RABGAP1L: variants seen among roughly 807,000 people sequenced by gnomAD.
The protein encoded by RABGAP1L is RAB GTPase activating protein 1 like.
Under a neutral mutation model 137.7 loss-of-function variants are expected in RABGAP1L, and 63 were observed. The observed-to-expected ratio is 0.46, with a 90% CI of 0.37 to 0.56. The LOEUF (loss-of-function observed/expected upper bound fraction) is 0.56, where lower values mean the gene tolerates loss of function less well. Among genes scored for constraint, RABGAP1L ranks in the 20% least tolerant of loss-of-function variants. The pLI, the probability that RABGAP1L is intolerant of heterozygous loss-of-function variation, is 0.00. For missense variants in RABGAP1L, 1,095 were observed against 1,244.0 expected, an observed-to-expected ratio of 0.88 and a Z score of 1.80; for synonymous variants, 431 against 433.7, an observed-to-expected ratio of 0.99 and a Z score of 0.08.
At chr1:174,450,122 G>T (rs1655262726) in intron 13 of RABGAP1L, among the ~76,000 whole-genome samples, 1 of 151,830 alleles carries the variant, frequency 6.6e-6, no homozygotes, top group Non-Finnish European at 1.5e-5. Flanking sequence ...TTTTGCTATA[G>T]TAAAGCTTTG....
intron 17 of RABGAP1L, among the ~76,000 whole-genome samples, chr1:174,736,417 C>T (rs996967646): frequency 6.6e-6 from 1 of 152,254 alleles, no homozygotes; most frequent in African/African-American, 2.4e-5. Context: ...GGCAGCTCTG[C>T]CCCTGTGGCT....
chr1:174,545,520 G>A (rs921459440), intron 13 of RABGAP1L: 1 of 146,394 alleles, frequency 6.8e-6, no homozygotes, highest in Non-Finnish European at 1.5e-5. Flanking sequence ...CCCTTGGCTA[G>A]GAAAGGGAAT....
intron 11 of RABGAP1L, among the ~76,000 whole-genome samples, chr1:174,321,911 A>G (rs1372504537): frequency 6.6e-6 from 1 of 152,154 alleles, no homozygotes; most frequent in Non-Finnish European, 1.5e-5. Context: ...TCAAGTGTCT[A>G]TTTGAATATG....
At chr1:174,398,833 G>C (rs1250904348) in intron 13 of RABGAP1L, among the ~76,000 whole-genome samples, 1 of 152,138 alleles carries the variant, frequency 6.6e-6, no homozygotes, top group Non-Finnish European at 1.5e-5. Flanking sequence ...CCTCTTAATA[G>C]TGACACTAGT....
At chr1:174,530,293 T>C (rs1664276653) in intron 13 of RABGAP1L, among the ~76,000 whole-genome samples, 2 of 152,094 alleles carry the variant, frequency 1.3e-5, no homozygotes, top group Non-Finnish European at 2.9e-5. Flanking sequence ...GCTGCCATGC[T>C]TCTCTTGAGC....
chr1:174,301,911 C>T (rs932346761), intron 10 of RABGAP1L, among the ~76,000 whole-genome samples: 3 of 152,136 alleles, frequency 2.0e-5, no homozygotes, highest in African/African-American at 7.2e-5. Flanking sequence ...GATTCTCAGT[C>T]CGGTTGGTGG....
intron 10 of RABGAP1L, among the ~76,000 whole-genome samples, chr1:174,297,480 C>G (rs1220062283): frequency 6.6e-6 from 1 of 152,184 alleles, no homozygotes; most frequent in Non-Finnish European, 1.5e-5. Flanking sequence ...GCGAACTTCT[C>G]GAGTTCCACT....
chr1:174,591,551 G>GT, intron 13 of RABGAP1L, among the ~76,000 whole-genome samples: 1 of 36,550 alleles, frequency 2.7e-5, no homozygotes, highest in Non-Finnish European at 4.0e-5. Context: ...AAGGGATCCA[G>GT]TTTCATCTTT....
chr1:174,774,812 T>G (rs1444526205), intron 18 of RABGAP1L, among the ~76,000 whole-genome samples: 1 of 152,100 alleles, frequency 6.6e-6, no homozygotes, highest in Non-Finnish European at 1.5e-5. Flanking sequence ...CCTGAGGGGT[T>G]GAGGCTGCAG....
rs1655108184 is a variant in RABGAP1L at position 174,448,886 on chromosome 1, C to A, written c.1710+54741C>A. The stretch of plus-strand genomic sequence containing the variant: ...TTCTTCCAGAGAGACTGGACACAGC[C>A]CTGACCGTCGCTACGCCATGGTTTT... On this transcript the variant is annotated intron_variant, in intron 13 of 25. Transcript: ENST00000681986. This position sits in a 1 kb window ranked among gnomAD's most constrained non-coding sequence, Gnocchi z 4.2. The A allele has an allele frequency of 6.2e-7, 1 of 1,613,398 alleles. No homozygotes were observed. The highest frequency in any genetic ancestry group is 1.7e-5 in the Admixed American group (1 of 60,004).
intron 14 of RABGAP1L, among the ~76,000 whole-genome samples, chr1:174,670,525 A>C: frequency 6.6e-6 from 1 of 151,938 alleles, no homozygotes; most frequent in Non-Finnish European, 1.5e-5. Context: ...AATCATCCCC[A>C]CCTTTTCTCT....
intron 11 of RABGAP1L, among the ~76,000 whole-genome samples, chr1:174,353,669 C>G: frequency 6.6e-6 from 1 of 152,142 alleles, no homozygotes. Flanking sequence ...GAATTTTGTC[C>G]TGTGTTACTT....
At chr1:174,479,536 A>G (rs1185116365) in intron 13 of RABGAP1L, among the ~76,000 whole-genome samples, 1 of 152,244 alleles carries the variant, frequency 6.6e-6, no homozygotes, top group Non-Finnish European at 1.5e-5. Flanking sequence ...ATAGAAATTC[A>G]TGGTCCCTTC....
At position 174,272,343 on chromosome 1, in the gene RABGAP1L, G is replaced by A. The variant is rs1484251165; in HGVS notation, c.987-71G>A. The A allele has an allele frequency of 9.3e-6, 14 of 1,500,322 alleles. No homozygotes were observed. The Admixed American group carries it at 2.9e-4, about 31-fold the overall frequency. 92.9% of individuals were successfully genotyped at this position (1,500,322 alleles called of 1,614,324 possible). A position where few individuals can be genotyped will look rare whatever the true frequency, so the allele number is the denominator to read the frequency against. On this transcript the variant is annotated intron_variant, in intron 7 of 25. Coordinates refer to ENST00000681986, the MANE Select transcript of RABGAP1L (RefSeq NM_001366446.1). Reference sequence around the variant, plus strand: ...CAGATTGTATAGTTATTGTAAAAAGGCTTTATGCTCACTGGGCTTCTATAT... The same window carrying A: ...CAGATTGTATAGTTATTGTAAAAAGACTTTATGCTCACTGGGCTTCTATAT...
intron 18 of RABGAP1L, among the ~76,000 whole-genome samples, chr1:174,759,657 A>G (rs1685065708): frequency 6.6e-6 from 1 of 152,164 alleles, no homozygotes; most frequent in Non-Finnish European, 1.5e-5. Flanking sequence ...GTTATATACG[A>G]AACATAGTAC....
chr1:174,287,596 G>C (rs1235060022), intron 10 of RABGAP1L, among the ~76,000 whole-genome samples: 3 of 152,138 alleles, frequency 2.0e-5, no homozygotes, highest in Non-Finnish European at 4.4e-5. Context: ...GGGTTCAAGT[G>C]ATTCTCCAAC....
At chr1:174,691,512 G>A (rs1006783242) in intron 15 of RABGAP1L, among the ~76,000 whole-genome samples, 1 of 152,076 alleles carries the variant, frequency 6.6e-6, no homozygotes, top group African/African-American at 2.4e-5. Flanking sequence ...TGCATGTGAG[G>A]CAGGTATTTT....
intron 13 of RABGAP1L, among the ~76,000 whole-genome samples, chr1:174,613,498 A>T (rs1437881794): frequency 6.6e-6 from 1 of 152,110 alleles, no homozygotes; most frequent in Non-Finnish European, 1.5e-5. Flanking sequence ...ATTTTGGAAT[A>T]GGTGTGGTTT....
chr1:174,744,604 T>C (rs1683722319), intron 17 of RABGAP1L, among the ~76,000 whole-genome samples: 1 of 152,204 alleles, frequency 6.6e-6, no homozygotes, highest in Non-Finnish European at 1.5e-5. Context: ...ACTTCTGTGG[T>C]ATTTGTGCCC....
Sources: gnomAD v4.1 joint callset for allele counts (sites outside exome capture counted in the v4.1 genomes callset) on GRCh38, gnomAD v4.1.1 for gene constraint, Gnocchi (gnomAD v3.1) non-coding constraint, MANE v1.5 for transcripts, NCBI Gene and HGNC (gene_info 2026-07-23, HGNC 2026-07-21) for gene names.